FOXN3: variants seen among roughly 807,000 people sequenced by gnomAD.
FOXN3 encodes forkhead box protein N3.
FOXN3 carries 7 observed loss-of-function variants against 38.4 expected under a neutral mutation model. The ratio of observed to expected loss-of-function variants is 0.18; its 90% CI spans 0.10 to 0.34. The LOEUF (loss-of-function observed/expected upper bound fraction) is 0.34, where lower values mean the gene tolerates loss of function less well. Among genes scored for constraint, FOXN3 ranks in the 10% least tolerant of loss-of-function variants. FOXN3 has a pLI of 1.00. For synonymous variants in FOXN3, 230 were observed against 242.2 expected, an observed-to-expected ratio of 0.95 and a Z score of 0.47; for missense variants, 456 against 613.4, an observed-to-expected ratio of 0.74 and a Z score of 2.71.
chr14:89,388,387 G>A (rs1255793102), intron 2 of FOXN3, among the ~76,000 whole-genome samples: 1 of 152,204 alleles, frequency 6.6e-6, no homozygotes, highest in Non-Finnish European at 1.5e-5. Flanking sequence ...GAAGAGTGGG[G>A]CCGCTGCAAG....
chr14:89,374,016 A>G (rs1467687597), intron 2 of FOXN3, among the ~76,000 whole-genome samples: 1 of 152,152 alleles, frequency 6.6e-6, no homozygotes, highest in Non-Finnish European at 1.5e-5. Flanking sequence ...CTGTAATGCC[A>G]GCATTTTGGG....
At chr14:89,553,238 C>CAAAAAAAAAAAAAAAAAAAAAA in intron 1 of FOXN3, among the ~76,000 whole-genome samples, 1 of 79,034 alleles carries the variant, frequency 1.3e-5, no homozygotes, top group Non-Finnish European at 2.4e-5. Context: ...GACCCTGTCC[C>CAAAAAAAAAAAAAAAAAAAAAA]AAAAAAAAAA....
At chr14:89,506,561 C>A (rs1242158028) in intron 1 of FOXN3, among the ~76,000 whole-genome samples, 13 of 151,572 alleles carry the variant, frequency 8.6e-5, no homozygotes, top group African/African-American at 2.9e-4. Flanking sequence ...GGCGCCTCTG[C>A]CCGGCCGCCC....
At chr14:89,282,540 A>G (rs940134979) in intron 3 of FOXN3, among the ~76,000 whole-genome samples, 1 of 152,220 alleles carries the variant, frequency 6.6e-6, no homozygotes, top group African/African-American at 2.4e-5. Context: ...TAAAATACTT[A>G]AGATTATCTT....
chr14:89,263,117 A>G (rs1055585073), intron 4 of FOXN3, among the ~76,000 whole-genome samples: 13 of 152,258 alleles, frequency 8.5e-5, no homozygotes, highest in African/African-American at 2.9e-4. Flanking sequence ...GGTTTAAACA[A>G]TAGTTTATAA....
At chr14:89,270,016 G>A (rs568880001) in intron 4 of FOXN3, among the ~76,000 whole-genome samples, 1 of 152,302 alleles carries the variant, frequency 6.6e-6, no homozygotes, top group Non-Finnish European at 1.5e-5. Flanking sequence ...TTGATTCGCT[G>A]TGCTAAGGCA....
rs540039686 is a variant in FOXN3, at chr14:89,462,830, G to A, written c.-14-50340C>T. On this transcript the variant is annotated intron_variant, in intron 1 of 6. Coordinates refer to the FOXN3 transcript ENST00000345097. The stretch of plus-strand genomic sequence containing the variant: ...CTCCTGAGTAGCTGGGACTACAGGC[G>A]CCCGCCACCACGCCCAGCTAATTTT... Among the ~76,000 whole-genome samples, 47 of 151,660 alleles carry A rather than the reference G, an allele frequency of 3.1e-4. No homozygotes were observed. The East Asian group carries it at 3.2e-3, about 10-fold the overall frequency.
chr14:89,184,985 T>C (rs961752475), intron 4 of FOXN3, among the ~76,000 whole-genome samples: 1 of 152,214 alleles, frequency 6.6e-6, no homozygotes, highest in Non-Finnish European at 1.5e-5. Context: ...ATGAACAGCA[T>C]TCACTTCAAA....
At position 89,433,925 on chromosome 14, in the gene FOXN3, T is replaced by TC. The variant is rs1164165574; in HGVS notation, c.-14-21436_-14-21435insG. 2.9e-3 allele frequency among the ~76,000 whole-genome samples: 406 copies of TC among 137,952 alleles called. 3 individuals carry two copies. Among genetic ancestry groups the TC allele is most frequent in the African/African-American group, 0.011 (386 of 34,078 alleles). 90.5% of individuals were successfully genotyped at this position (137,952 alleles called of 152,430 possible). On this transcript the variant is annotated intron_variant, in intron 1 of 6. Transcript: ENST00000345097. Reference sequence around the variant, plus strand: ...CCAGTACTGTGCTTTTATCAGAATTTTTTTTTTTTTTTTTTTGAGATGGAG... The same window carrying TC: ...CCAGTACTGTGCTTTTATCAGAATTTCTTTTTTTTTTTTTTTTGAGATGGAG...
At chr14:89,600,053 T>G (rs1390668312) in intron 1 of FOXN3, among the ~76,000 whole-genome samples, 1 of 152,244 alleles carries the variant, frequency 6.6e-6, no homozygotes, top group Non-Finnish European at 1.5e-5. Flanking sequence ...AATTCCCCAT[T>G]GCCCTGATGG....
upstream of FOXN3, among the ~76,000 whole-genome samples, chr14:89,421,683 C>T (rs555769244): frequency 6.6e-6 from 1 of 150,936 alleles, no homozygotes; most frequent in South Asian, 2.1e-4. Context: ...TGCACCACCA[C>T]GCACGGCTAA....
chr14:89,519,779 C>G (rs958625078), intron 1 of FOXN3, among the ~76,000 whole-genome samples: 1 of 152,108 alleles, frequency 6.6e-6, no homozygotes, highest in Admixed American at 6.6e-5. Context: ...AGGGATAAAA[C>G]TGTAAAAGTT....
chr14:89,601,664 T>G (rs779733855), intron 1 of FOXN3, among the ~76,000 whole-genome samples: 3 of 152,228 alleles, frequency 2.0e-5, no homozygotes, highest in African/African-American at 7.2e-5. Context: ...ATTCCTCTGC[T>G]TGTTGATATG....
intron 2 of FOXN3, 43 bp downstream of exon 2, chr14:89,411,888 TAAA>T: frequency 1.6e-5 from 16 of 1,005,040 alleles, no homozygotes; most frequent in Non-Finnish European, 1.9e-5. Context: ...AATTTTAAAT[TAAA>T]AAAAAAAAAA....
intron 4 of FOXN3, among the ~76,000 whole-genome samples, chr14:89,233,635 TTAACTTA>T (rs1884888169): frequency 1.3e-5 from 2 of 152,228 alleles, no homozygotes; most frequent in African/African-American, 4.8e-5. Context: ...GTCTAATGGT[TTAACTTA>T]AAATTCTGTG....
chr14:89,610,894 C>T (rs1896375569), intron 1 of FOXN3, among the ~76,000 whole-genome samples: 1 of 152,204 alleles, frequency 6.6e-6, no homozygotes, highest in African/African-American at 2.4e-5. Context: ...TAATTTCATA[C>T]ATGTGAAATA....
intron 1 of FOXN3, among the ~76,000 whole-genome samples, chr14:89,537,578 T>C (rs572111276): frequency 6.6e-6 from 1 of 152,358 alleles, no homozygotes; most frequent in South Asian, 2.1e-4. Flanking sequence ...TCCAAAGCCA[T>C]GCAACAAGTA....
intron 3 of FOXN3, among the ~76,000 whole-genome samples, chr14:89,345,574 T>C (rs1211010750): frequency 6.6e-6 from 1 of 152,302 alleles, no homozygotes; most frequent in South Asian, 2.1e-4. Flanking sequence ...GAGATTTTAG[T>C]GCACTTGTCA....
intron 1 of FOXN3, among the ~76,000 whole-genome samples, chr14:89,521,137 C>A (rs1241849529): frequency 6.6e-6 from 1 of 152,080 alleles, no homozygotes; most frequent in Non-Finnish European, 1.5e-5. Flanking sequence ...TGGTGAAACC[C>A]CGTCTCTACT....
Sources: allele counts gnomAD v4.1 joint callset (sites outside exome capture counted in the v4.1 genomes callset), GRCh38; gene constraint gnomAD v4.1.1; transcripts MANE v1.5; gene names NCBI Gene and HGNC (gene_info 2026-07-23, HGNC 2026-07-21).